The following TRPV4 variants were observed in gnomAD, a reference collection of about 807,000 sequenced individuals.
The protein encoded by TRPV4 is OSM9-like transient receptor potential channel 4.
Under a neutral mutation model 84.1 loss-of-function variants are expected in TRPV4, and 58 were observed. The observed-to-expected ratio is 0.69, with a 90% CI of 0.56 to 0.86. The LOEUF (loss-of-function observed/expected upper bound fraction) is 0.86. Ranked by LOEUF, TRPV4 falls within the 40% of genes least tolerant of loss-of-function variation. TRPV4 has a pLI of 0.00. For synonymous variants in TRPV4, 489 were observed against 500.9 expected (o/e 0.98, Z 0.32); for missense variants, 879 against 1,181.1 (o/e 0.74, Z 3.75).
intron 1 of TRPV4, among the ~76,000 whole-genome samples, chr12:109,823,158 G>A (rs1466490118): frequency 1.3e-5 from 2 of 152,192 alleles, no homozygotes; most frequent in Non-Finnish European, 2.9e-5. Flanking sequence ...CAGTAGGGGG[G>A]CATCATGCCA....
At chr12:109,822,942 T>C (rs954987126) in intron 1 of TRPV4, among the ~76,000 whole-genome samples, 2 of 152,074 alleles carry the variant, frequency 1.3e-5, no homozygotes, top group African/African-American at 4.8e-5. Context: ...GGGGAACAGA[T>C]GAACAAAAGG....
intron 3 of TRPV4, among the ~76,000 whole-genome samples, chr12:109,806,358 C>CTTTTTTTTT (rs60159775): frequency 5.2e-5 from 6 of 115,560 alleles, no homozygotes; most frequent in African/African-American, 1.0e-4. Context: ...CTAAGCCTGG[C>CTTTTTTTTT]TTTTTTTTTT....
intron 2 of TRPV4, 21 bp from the exon 3 acceptor site, chr12:109,808,489 A>T: frequency 6.2e-7 from 1 of 1,605,096 alleles, no homozygotes; most frequent in African/African-American, 1.3e-5. Context: ...TAGGGAGGCA[A>T]GTTGATGGGA....
intron 1 of TRPV4, among the ~76,000 whole-genome samples, chr12:109,824,294 C>T (rs1002529294): frequency 6.6e-6 from 1 of 152,022 alleles, no homozygotes; most frequent in African/African-American, 2.4e-5. Context: ...AGGTCTGGCA[C>T]GTAGTAGGAG....
In TRPV4 at chr12:109,783,861, G is replaced by C; in HGVS notation, c.2459-83C>G. The C allele has an allele frequency of 2.0e-6, 3 of 1,495,574 alleles. No individual in the cohort carries two copies. Among genetic ancestry groups the C allele is most frequent in the Non-Finnish European group, 2.7e-6 (3 of 1,092,748 alleles). The allele number at this position is 1,495,574 out of a possible 1,614,324, so 92.6% of individuals were successfully genotyped here. On this transcript the variant is annotated intron_variant, in intron 15 of 15. Transcript: ENST00000261740. This position sits in a 1 kb window ranked among gnomAD's most constrained non-coding sequence, Gnocchi z 4.6. ...ATATTGAGTGCCTACTGTGTACTGG[G>C]CACTCCACAGTGTTCTGAAGGGGGG...
At position 109,786,474 on chromosome 12, in the gene TRPV4, C is replaced by T. The variant is rs1452260101; in HGVS notation, c.2336+236G>A. ...ACGTGCTGACCTGTCTAATCCGCAC[C>T]GCCAGCCTAGGAGCCCGTGAGATCA... is the stretch of plus-strand genomic sequence containing the variant. On this transcript the variant is annotated intron_variant, in intron 14 of 15. Coordinates refer to ENST00000261740, the MANE Select transcript of TRPV4 (RefSeq NM_021625.5). The surrounding 1 kb of genome is among the most constrained non-coding windows in gnomAD (Gnocchi z 4.5). Among the ~76,000 whole-genome samples the T allele has an allele frequency of 1.3e-5, 2 of 152,176 alleles. No individual in the cohort carries two copies. Among genetic ancestry groups the T allele is most frequent in the Non-Finnish European group, 2.9e-5 (2 of 68,026 alleles).
At chr12:109,784,165 A>G (rs572960353) in intron 15 of TRPV4, 151 bp downstream of exon 15, 5 of 1,280,404 alleles carry the variant, frequency 3.9e-6, no homozygotes, top group Non-Finnish European at 5.5e-6. Flanking sequence ...GAGGTGCCCC[A>G]GGCATTCACA....
rs373108373 is a variant in TRPV4, at chr12:109,803,086, C to A, written c.617G>T (p.Arg206Leu). Residue 206 changes from arginine (R) to leucine (L), a missense_variant, in exon 4 of 16, where the codon CGC becomes CTC. Arg to Leu is a moderately radical substitution (Grantham distance 102). Around this residue, in one of 4 missense-constraint regions of TRPV4, gnomAD observed 521 missense variants for 686.6 expected, o/e 0.76. Transcript: ENST00000261740. ...PKALLNLSNG[R>L]NDTIPVLLDI... ...CAGCAGCACAGGGATGGTGTCGTTG[C>A]GGCCATTGCTCAGGTTCAGCAAGGC... 6.8e-6 allele frequency: 11 copies of A among 1,614,058 alleles called. No homozygotes were observed. The African/African-American group carries it at 1.2e-4, about 18-fold the overall frequency.
In TRPV4 at chr12:109,832,480, G is replaced by T. The variant is rs553227418; in HGVS notation, c.-32+870C>A. ...TTGTTTTAGAAGCTGAGCCAGAACA[G>T]CCACAGGGCCCACCTCTGCCCTGCC... On this transcript the variant is annotated intron_variant, in intron 1 of 15. Coordinates refer to ENST00000261740, the MANE Select transcript of TRPV4 (RefSeq NM_021625.5). 2.0e-5 allele frequency: 3 copies of T among 152,362 alleles called. No individual in the cohort carries two copies. In the East Asian group the frequency reaches 5.8e-4, roughly 29 times the overall value. 9.4% of individuals were successfully genotyped at this position (152,362 alleles called of 1,614,324 possible). A position where few individuals can be genotyped will look rare whatever the true frequency, so the allele number is the denominator to read the frequency against.
chr12:109,794,625 G>A (rs1168948574), intron 7 of TRPV4, 138 bp from the exon 8 acceptor site: 17 of 907,958 alleles, frequency 1.9e-5, no homozygotes, highest in African/African-American at 4.9e-5. Context: ...CTGCATTCAC[G>A]GATTCATGAA....
intron 1 of TRPV4, among the ~76,000 whole-genome samples, chr12:109,817,905 A>G (rs1430099979): frequency 6.6e-6 from 1 of 152,184 alleles, no homozygotes; most frequent in East Asian, 1.9e-4. Context: ...ACATCCTCCA[A>G]AGCAAAAGAC....
At chr12:109,825,363 C>G (rs2136710621) in intron 1 of TRPV4, among the ~76,000 whole-genome samples, 1 of 151,922 alleles carries the variant, frequency 6.6e-6, no homozygotes, top group East Asian at 1.9e-4. Flanking sequence ...TACTGTATAC[C>G]AAATAACTAT....
At chr12:109,792,855 G>T (rs749569934) in intron 10 of TRPV4, 38 bp from the exon 11 acceptor site, 1 of 1,609,870 alleles carries the variant, frequency 6.2e-7, no homozygotes, top group Non-Finnish European at 8.5e-7. Flanking sequence ...GGCCAGAGGG[G>T]AGAGGGGACA....
In TRPV4 at chr12:109,794,368, G is replaced by T; in HGVS notation, c.1452C>A (p.Ile484=). 1 of 1,613,458 alleles carries T rather than the reference G, an allele frequency of 6.2e-7. No individual in the cohort carries two copies. ...NVVSYLCAMV[I]FTLTAYYQPL... is the part of the protein sequence containing the mutation. ...GCTGGTAGTAGGCGGTGAGAGTGAA[G>T]ATGACCATGGCACACAGGTAGGAGA... Residue 484 remains isoleucine, a synonymous_variant, in exon 8 of 16, where the codon ATC becomes ATA. Coordinates refer to ENST00000261740, the MANE Select transcript of TRPV4 (RefSeq NM_021625.5).
intron 7 of TRPV4, among the ~76,000 whole-genome samples, chr12:109,794,992 T>C (rs1269928278): frequency 3.3e-5 from 5 of 152,222 alleles, no homozygotes; most frequent in Non-Finnish European, 7.3e-5. Flanking sequence ...CACTCCAGCC[T>C]GGGCAACAAG....
rs2136608535 is a variant in TRPV4 at position 109,808,405 on chromosome 12, G to A, written c.450C>T (p.Asn150=). The change falls in exon 3 of 16, where the codon AAC becomes AAT. Residue 150 remains asparagine, a synonymous_variant. Transcript: ENST00000261740. ...ACACGATGTCAAAGAGGATAGGCCG[G>A]TTGAAGACTTTGAGGATGGGGGGCG... is the stretch of plus-strand genomic sequence containing the variant. ...PQPPPILKVF[N]RPILFDIVSR... is the part of the protein sequence containing the mutation. 4 of 1,614,194 alleles carry A rather than the reference G, an allele frequency of 2.5e-6. No homozygotes were observed. Among genetic ancestry groups the A allele is most frequent in the Non-Finnish European group, 3.4e-6 (4 of 1,180,032 alleles).
intron 1 of TRPV4, among the ~76,000 whole-genome samples, chr12:109,822,419 G>C (rs1892133584): frequency 6.6e-6 from 1 of 152,200 alleles, no homozygotes; most frequent in Non-Finnish European, 1.5e-5. Context: ...CATGTGGATA[G>C]GAAGGTACTA....
At chr12:109,820,870 T>C (rs1892074104) in intron 1 of TRPV4, among the ~76,000 whole-genome samples, 1 of 152,124 alleles carries the variant, frequency 6.6e-6, no homozygotes, top group South Asian at 2.1e-4. Context: ...GTGAGAGGTA[T>C]ATACCTTGAG....
intron 3 of TRPV4, among the ~76,000 whole-genome samples, chr12:109,804,602 G>C (rs1200376587): frequency 6.6e-6 from 1 of 152,170 alleles, no homozygotes; most frequent in African/African-American, 2.4e-5. Flanking sequence ...CTAAATGCCG[G>C]GAATCAGTGG....
Sources: gnomAD v4.1 joint callset for allele counts (sites outside exome capture counted in the v4.1 genomes callset) on GRCh38, gnomAD v4.1.1 for gene constraint, gnomAD v4.1.1 regional missense constraint, Gnocchi (gnomAD v3.1) non-coding constraint, MANE v1.5 for transcripts, NCBI Gene and HGNC (gene_info 2026-07-23, HGNC 2026-07-21) for gene names.